The following OXR1 variants were observed in gnomAD, a reference collection of about 807,000 sequenced individuals.
OXR1 encodes oxidation resistance 1.
OXR1 carries 41 observed loss-of-function variants against 104.6 expected under a neutral mutation model. The observed-to-expected ratio is 0.39, with a 90% confidence interval of 0.31 to 0.51. The LOEUF (loss-of-function observed/expected upper bound fraction) is 0.51, where lower values mean the gene tolerates loss of function less well. OXR1 is among the 20% of genes least tolerant of loss of function. OXR1 has a pLI of 0.77. For synonymous variants in OXR1, 348 were observed against 348.4 expected (o/e 1.00, Z 0.01); for missense variants, 955 against 1,031.9 (o/e 0.93, Z 1.02).
At chr8:106,592,007 CAAA>C (rs1328275267) in intron 3 of OXR1, among the ~76,000 whole-genome samples, 2 of 152,154 alleles carry the variant, frequency 1.3e-5, no homozygotes, top group African/African-American at 4.8e-5. Context: ...CACGTGTACT[CAAA>C]ATTAACACTG....
intron 2 of OXR1, among the ~76,000 whole-genome samples, chr8:106,414,623 G>A (rs1011352575): frequency 6.6e-6 from 1 of 152,056 alleles, no homozygotes. Flanking sequence ...TAGACGGATG[G>A]GTGGGAATGG....
chr8:106,445,107 A>G (rs565306873), intron 2 of OXR1, among the ~76,000 whole-genome samples: 1 of 152,296 alleles, frequency 6.6e-6, no homozygotes, highest in South Asian at 2.1e-4. Context: ...GGAAACTGCT[A>G]AAGCACTCCT....
intron 3 of OXR1, among the ~76,000 whole-genome samples, chr8:106,585,168 TATC>T (rs984877756): frequency 3.3e-5 from 5 of 152,142 alleles, no homozygotes; most frequent in Admixed American, 6.5e-5. Context: ...AGGAGAATTT[TATC>T]ATCATCTCCA....
At chr8:106,694,641 TTATATA>T (rs533840734) in intron 7 of OXR1, among the ~76,000 whole-genome samples, 1 of 39,204 alleles carries the variant, frequency 2.6e-5, no homozygotes, top group Non-Finnish European at 4.4e-5. Context: ...AAATATATGT[TTATATA>T]TATTTGATAT....
At chr8:106,474,664 GCTA>G (rs1322354890) in intron 2 of OXR1, among the ~76,000 whole-genome samples, 1 of 151,932 alleles carries the variant, frequency 6.6e-6, no homozygotes, top group Non-Finnish European at 1.5e-5. Context: ...CTGCTTTTGT[GCTA>G]CGTCAGCAGA....
intron 10 of OXR1, among the ~76,000 whole-genome samples, chr8:106,711,165 G>A (rs1027589359): frequency 3.9e-5 from 6 of 151,920 alleles, no homozygotes; most frequent in Non-Finnish European, 7.4e-5. Flanking sequence ...CTATATACGT[G>A]ACACTAAATT....
At chr8:106,442,993 A>G (rs1819853840) in intron 2 of OXR1, among the ~76,000 whole-genome samples, 1 of 150,814 alleles carries the variant, frequency 6.6e-6, no homozygotes, top group Non-Finnish European at 1.5e-5. Context: ...TTTATTTGTG[A>G]CTTTAGGGTG....
intron 2 of OXR1, among the ~76,000 whole-genome samples, chr8:106,386,299 A>G (rs1386659021): frequency 6.6e-6 from 1 of 152,206 alleles, no homozygotes; most frequent in Non-Finnish European, 1.5e-5. Context: ...TGGAAAATTG[A>G]ACTAGAAGGC....
rs547883588 is a variant in OXR1, at chr8:106,612,033, A to G, written c.221-67177A>G. Among the ~76,000 whole-genome samples, 10 of 152,196 alleles carry G rather than the reference A, an allele frequency of 6.6e-5. 1 individual carries two copies. The highest frequency in any genetic ancestry group is 2.0e-4 in the Admixed American group (3 of 15,290). ...CTGAGAGAGCTTGAATTATTTCCAA[A>G]AGGATAGCTTTGCATTTTCTTTTCT... On this transcript the variant is annotated intron_variant, in intron 3 of 16. Transcript: ENST00000517566.
intron 1 of OXR1, among the ~76,000 whole-genome samples, chr8:106,357,900 C>A (rs759524191): frequency 5.9e-5 from 9 of 152,072 alleles, no homozygotes; most frequent in Non-Finnish European, 1.0e-4. Context: ...TGGTGGCAGA[C>A]GCTGCTAGTT....
chr8:106,395,429 G>A (rs923006546), intron 2 of OXR1, among the ~76,000 whole-genome samples: 1 of 152,128 alleles, frequency 6.6e-6, no homozygotes, highest in Non-Finnish European at 1.5e-5. Flanking sequence ...TTCTTACATG[G>A]CAGCAGCAAG....
intron 2 of OXR1, among the ~76,000 whole-genome samples, chr8:106,425,885 A>ATTGTTACTTTAGG (rs1396414779): frequency 6.6e-6 from 1 of 152,124 alleles, no homozygotes; most frequent in East Asian, 1.9e-4. Context: ...GAGGCTAGGG[A>ATTGTTACTTTAGG]AGGTTGTCTC....
chr8:106,545,691 G>C (rs1586788781), intron 3 of OXR1, among the ~76,000 whole-genome samples: 1 of 152,206 alleles, frequency 6.6e-6, no homozygotes, highest in African/African-American at 2.4e-5. Flanking sequence ...AGTTTTGAAA[G>C]GAAGCCCCAC....
chr8:106,566,362 G>GA (rs571191149), intron 3 of OXR1, among the ~76,000 whole-genome samples: 8 of 151,646 alleles, frequency 5.3e-5, no homozygotes, highest in Admixed American at 1.3e-4. Flanking sequence ...CAACTAACAT[G>GA]AAAAAAAAGC....
chr8:106,520,223 AG>A (rs1277998279), intron 3 of OXR1, among the ~76,000 whole-genome samples: 7 of 151,230 alleles, frequency 4.6e-5, no homozygotes, highest in African/African-American at 7.3e-5. Flanking sequence ...TTGATTTTTT[AG>A]TAGCCATTCC....
chr8:106,563,315 GAAAA>G (rs1324864964), intron 3 of OXR1, among the ~76,000 whole-genome samples: 1 of 124,016 alleles, frequency 8.1e-6, no homozygotes, highest in East Asian at 2.4e-4. Context: ...AAAAAAAAAA[GAAAA>G]AAAAAGCAGG....
chr8:106,333,514 G>A (rs924066385), intron 1 of OXR1, among the ~76,000 whole-genome samples: 2 of 151,810 alleles, frequency 1.3e-5, no homozygotes, highest in African/African-American at 4.8e-5. Flanking sequence ...TCTGTTTTTG[G>A]TTGGCTGTGC....
At position 106,610,403 on chromosome 8, in the gene OXR1, T is replaced by G. The variant is rs561199598; in HGVS notation, c.221-68807T>G. ...TTGCAGCTAATTTCAGATGTTCAAA[T>G]CTGATCTTGTTCATGCTCTGCTTAA... is the stretch of plus-strand genomic sequence containing the variant. On this transcript the variant is annotated intron_variant, in intron 3 of 16. Coordinates refer to ENST00000517566, the MANE Select transcript of OXR1 (RefSeq NM_001198533.2). Among the ~76,000 whole-genome samples, 3 of 152,362 alleles carry G rather than the reference T, an allele frequency of 2.0e-5. No individual in the cohort carries two copies. In the East Asian group the frequency reaches 5.8e-4, roughly 29 times the overall value.
At chr8:106,297,607 T>G (rs903568602) in intron 1 of OXR1, among the ~76,000 whole-genome samples, 1 of 152,172 alleles carries the variant, frequency 6.6e-6, no homozygotes, top group Admixed American at 6.6e-5. Context: ...AAAGGTATAG[T>G]AAAAACACAG....
Sources: allele counts gnomAD v4.1 joint callset (sites outside exome capture counted in the v4.1 genomes callset), GRCh38; gene constraint gnomAD v4.1.1; transcripts MANE v1.5; gene names NCBI Gene and HGNC (gene_info 2026-07-23, HGNC 2026-07-21).